The following CIT variants were observed in gnomAD, a reference collection of about 807,000 sequenced individuals.
CIT encodes citron rho-interacting serine/threonine kinase.
In CIT, 79 loss-of-function variants were observed where a neutral mutation model predicts 272.7. That is an observed-to-expected ratio of 0.29 (90% confidence interval 0.24 to 0.35). CIT has a LOEUF of 0.35. Ranked by LOEUF, CIT falls within the 10% of genes least tolerant of loss-of-function variation. CIT has a pLI of 1.00. For missense variants in CIT, 1,909 were observed against 2,618.3 expected, an observed-to-expected ratio of 0.73 and a Z score of 5.91; for synonymous variants, 948 against 995.6, an observed-to-expected ratio of 0.95 and a Z score of 0.90.
chr12:119,863,328 T>A (rs11064939), intron 3 of CIT, among the ~76,000 whole-genome samples: 7,230 of 149,620 alleles, frequency 0.048, 311 homozygotes, highest in African/African-American at 0.12. Context: ...ACAAGGACAC[T>A]AAGAAGGGAA....
intron 10 of CIT, among the ~76,000 whole-genome samples, chr12:119,789,191 G>A (rs750400991): frequency 1.3e-5 from 2 of 152,220 alleles, no homozygotes; most frequent in African/African-American, 2.4e-5. Flanking sequence ...TTAAGCTGCT[G>A]AGTGATTGTA....
chr12:119,694,105 G>A lies in CIT; in HGVS notation c.5882+3554C>T, dbSNP rs1956099363. Among the ~76,000 whole-genome samples, 1 of 152,182 alleles carries A rather than the reference G, an allele frequency of 6.6e-6. No homozygotes were observed. The highest frequency in any genetic ancestry group is 2.1e-4 in the South Asian group (1 of 4,832). The stretch of plus-strand genomic sequence containing the variant: ...CGAGCTGGATCTAGCTCCTAGCACT[G>A]TGTCAAGACGAGGCCAGTCCCACTT... On this transcript the variant is annotated intron_variant, in intron 46 of 47. Transcript: ENST00000392521. The surrounding 1 kb of genome is among the most constrained non-coding windows in gnomAD (Gnocchi z 4.5).
Position 119,818,355 on chromosome 12 carries a change from A to G in CIT, c.1111+4465T>C, listed in dbSNP as rs372460. ...AGGTACATGGTGCTTATTTCTACAC[A>G]CAAAAATTTGTAAGACTTTCACCTG... On this transcript the variant is annotated intron_variant, in intron 9 of 47. Transcript: ENST00000392521. Among the ~76,000 whole-genome samples the G allele has an allele frequency of 7.0e-3, 1,066 of 152,340 alleles. 15 individuals are homozygous for G. The highest frequency in any genetic ancestry group is 0.025 in the African/African-American group (1,021 of 41,576).
Position 119,735,224 on chromosome 12 carries a change from C to G in CIT, c.3092G>C (p.Ser1031Thr), listed in dbSNP as rs1958686841. 6.2e-7 allele frequency: 1 copy of G among 1,614,094 alleles called. No individual in the cohort carries two copies. The highest frequency in any genetic ancestry group is 1.7e-5 in the Admixed American group (1 of 60,000). Residue 1031 changes from serine to threonine, a missense_variant, in exon 25 of 48, where the codon AGT (serine) becomes ACT (threonine). This residue lies in a region of CIT where 530 missense variants were observed against 822.4 expected (regional missense o/e 0.64). Transcript: ENST00000392521. The stretch of plus-strand genomic sequence containing the variant: ...CTCCCGGCGGAGATGGTCCACTTCA[C>G]TTCGCAGTTGTACAATCTCGTCGTT... ...GANDEIVQLRSEVDHLRREIT... is the reference protein window; with the variant it reads ...GANDEIVQLRTEVDHLRREIT...
At chr12:119,821,824 G>T (rs567484593) in intron 9 of CIT, among the ~76,000 whole-genome samples, 1 of 152,246 alleles carries the variant, frequency 6.6e-6, no homozygotes, top group Admixed American at 6.5e-5. Context: ...ATAAAGCAAT[G>T]TGGCCACCCG....
intron 7 of CIT, among the ~76,000 whole-genome samples, chr12:119,828,973 AG>A (rs1439940656): frequency 7.7e-6 from 1 of 130,112 alleles, no homozygotes; most frequent in Non-Finnish European, 1.7e-5. Context: ...TTTGGGAGAA[AG>A]GGGGAGAAGG....
intron 4 of CIT, 29 bp from the exon 5 acceptor site, chr12:119,850,304 T>C (rs747121734): frequency 1.4e-6 from 2 of 1,433,872 alleles, no homozygotes; most frequent in African/African-American, 2.9e-5. Context: ...GCTTAGACAA[T>C]TATAAAGAAC....
intron 46 of CIT, among the ~76,000 whole-genome samples, chr12:119,693,993 C>A (rs1188131971): frequency 6.6e-6 from 1 of 152,182 alleles, no homozygotes; most frequent in Non-Finnish European, 1.5e-5. Flanking sequence ...TTATAATAAT[C>A]CAGAAGATTA....
In CIT at chr12:119,738,935, C is replaced by A. The variant is rs918100419; in HGVS notation, c.2958+3476G>T. Among the ~76,000 whole-genome samples the A allele has an allele frequency of 3.7e-3, 538 of 146,506 alleles. 2 individuals carry two copies. The highest frequency in any genetic ancestry group is 0.012 in the African/African-American group (498 of 40,018). On this transcript the variant is annotated intron_variant, in intron 24 of 47. Transcript: ENST00000392521. ...TCTCAGTGTCAAAAAGAAAAAAAAA[C>A]AGCTCTGTTTGGGCTTATCTGTTGT...
rs1307214429 is a variant in CIT at position 119,728,798 on chromosome 12, G to T, written c.3487-192C>A. Among the ~76,000 whole-genome samples the T allele has an allele frequency of 1.3e-5, 2 of 152,224 alleles. No homozygotes were observed. Among genetic ancestry groups the T allele is most frequent in the Non-Finnish European group, 2.9e-5 (2 of 68,040 alleles). Reference sequence around the variant, plus strand: ...TTCCATAGGTTATTATATGAGGATGGAAATTATTTCTAAGGGATGGCTCTT... The same window carrying T: ...TTCCATAGGTTATTATATGAGGATGTAAATTATTTCTAAGGGATGGCTCTT... On this transcript the variant is annotated intron_variant, in intron 27 of 47. Coordinates refer to ENST00000392521, the MANE Select transcript of CIT (RefSeq NM_001206999.2). The surrounding 1 kb of genome is among the most constrained non-coding windows in gnomAD (Gnocchi z 4.3).
rs1489555343 is a variant in CIT, at chr12:119,710,979, C to A, written c.4855-359G>T. 1.6e-6 allele frequency: 2 copies of A among 1,253,420 alleles called. No homozygotes were observed. The highest frequency in any genetic ancestry group is 2.2e-6 in the Non-Finnish European group (2 of 919,992). 77.6% of individuals were successfully genotyped at this position (1,253,420 alleles called of 1,614,324 possible). A position where few individuals can be genotyped will look rare whatever the true frequency, so the allele number is the denominator to read the frequency against. ...AAGACACATGAAAGACTCCTTCCCC[C>A]ATAAGGCTGCAGCAGAAGTGCAAAG... On this transcript the variant is annotated intron_variant, in intron 37 of 47. Transcript: ENST00000392521. This position sits in a 1 kb window ranked among gnomAD's most constrained non-coding sequence, Gnocchi z 5.6.
At chr12:119,863,018 C>T (rs1349062206) in intron 3 of CIT, among the ~76,000 whole-genome samples, 1 of 148,642 alleles carries the variant, frequency 6.7e-6, no homozygotes, top group Admixed American at 6.7e-5. Context: ...GCGTGGCCAG[C>T]ATGGTGAAAC....
intron 40 of CIT, among the ~76,000 whole-genome samples, chr12:119,705,000 C>A (rs1449815753): frequency 3.3e-5 from 5 of 152,180 alleles, no homozygotes; most frequent in African/African-American, 1.2e-4. Context: ...GCAGCCTCCA[C>A]CTCCCGGCTT....
Position 119,718,215 on chromosome 12 carries a change from A to G in CIT, c.4168+30T>C, listed in dbSNP as rs1957634963. The G allele has an allele frequency of 6.3e-7, 1 of 1,585,252 alleles. No individual in the cohort carries two copies. Among genetic ancestry groups the G allele is most frequent in the East Asian group, 2.3e-5 (1 of 44,434 alleles). On this transcript the variant is annotated intron_variant, in intron 32 of 47. Coordinates refer to ENST00000392521, the MANE Select transcript of CIT (RefSeq NM_001206999.2). The surrounding 1 kb of genome is among the most constrained non-coding windows in gnomAD (Gnocchi z 4.8). ...ATATGCCCACATGTCTTAGTCGACT[A>G]AAAGAAATTTCCATACAACTCCAAC... is the stretch of plus-strand genomic sequence containing the variant.
At chr12:119,777,736 G>A (rs576353750) in intron 13 of CIT, among the ~76,000 whole-genome samples, 2 of 151,014 alleles carry the variant, frequency 1.3e-5, no homozygotes, top group East Asian at 1.9e-4. Flanking sequence ...CAAAACCACC[G>A]GGAACACACA....
intron 13 of CIT, among the ~76,000 whole-genome samples, chr12:119,780,713 T>C (rs989478513): frequency 2.6e-5 from 4 of 152,190 alleles, no homozygotes; most frequent in African/African-American, 9.7e-5. Context: ...ACAAACTAAA[T>C]ACTGAAAGTT....
intron 7 of CIT, among the ~76,000 whole-genome samples, chr12:119,828,214 A>G (rs1006157365): frequency 6.6e-6 from 1 of 152,244 alleles, no homozygotes; most frequent in East Asian, 1.9e-4. Flanking sequence ...CTAGAAAGCT[A>G]TGAAGGGAAA....
intron 28 of CIT, among the ~76,000 whole-genome samples, chr12:119,726,711 C>G (rs1958133146): frequency 6.6e-6 from 1 of 152,052 alleles, no homozygotes; most frequent in Admixed American, 6.6e-5. Context: ...CTTTGGAGTC[C>G]AATTTTTCAT....
intron 3 of CIT, among the ~76,000 whole-genome samples, chr12:119,865,324 A>G (rs769758940): frequency 1.3e-5 from 2 of 152,168 alleles, no homozygotes; most frequent in Admixed American, 1.3e-4. Context: ...CTCATCACAT[A>G]ACTTCCTTCC....
Sources: allele counts gnomAD v4.1 joint callset (sites outside exome capture counted in the v4.1 genomes callset), GRCh38; gene constraint gnomAD v4.1.1; regional missense constraint gnomAD v4.1.1; non-coding constraint Gnocchi (gnomAD v3.1); transcripts MANE v1.5; gene names NCBI Gene and HGNC (gene_info 2026-07-23, HGNC 2026-07-21).